BTAF1: variants seen among roughly 807,000 people sequenced by gnomAD.
The protein encoded by BTAF1 is TATA-binding protein-associated factor 172.
BTAF1 carries 38 observed loss-of-function variants against 227.1 expected under a neutral mutation model. The ratio of observed to expected loss-of-function variants is 0.17; its 90% CI spans 0.13 to 0.22. The LOEUF (loss-of-function observed/expected upper bound fraction) is 0.22, where lower values mean the gene tolerates loss of function less well. Ranked by LOEUF, BTAF1 falls within the 10% of genes least tolerant of loss-of-function variation. BTAF1 has a pLI of 1.00. For synonymous variants in BTAF1, 742 were observed against 751.9 expected, an observed-to-expected ratio of 0.99 and a Z score of 0.21; for missense variants, 1,598 against 2,204.0, an observed-to-expected ratio of 0.73 and a Z score of 5.51.
In BTAF1 at chr10:91,955,041, G is replaced by A. The variant is rs561625378; in HGVS notation, c.701+1168G>A. 4.4e-4 allele frequency among the ~76,000 whole-genome samples: 67 copies of A among 152,304 alleles called. 1 individual carries two copies. Among genetic ancestry groups the A allele is most frequent in the Admixed American group, 2.9e-3 (45 of 15,296 alleles). ...AAAGTGTTTAGTGTTTAAAAGCTAG[G>A]CACAAAGGGGGATAAATAATAAACA... is the stretch of plus-strand genomic sequence containing the variant. On this transcript the variant is annotated intron_variant, in intron 6 of 37. Transcript: ENST00000265990.
rs1469981556 is a variant in BTAF1 at position 92,011,858 on chromosome 10, A to G, written c.4311+443A>G. ...AAGTTTATTTTGTAAAAGGAAGGAG[A>G]TAGGTATGTATGTATCTTTAGATAC... On this transcript the variant is annotated intron_variant, in intron 30 of 37. Coordinates refer to ENST00000265990, the MANE Select transcript of BTAF1 (RefSeq NM_003972.3). Among the ~76,000 whole-genome samples the G allele has an allele frequency of 2.6e-5, 4 of 152,054 alleles. No homozygotes were observed. In the East Asian group the frequency reaches 7.8e-4, roughly 29 times the overall value.
At chr10:91,957,466 T>C (rs557861265) in intron 8 of BTAF1, among the ~76,000 whole-genome samples, 173 bp downstream of exon 8, 24 of 152,374 alleles carry the variant, frequency 1.6e-4, no homozygotes, top group African/African-American at 5.8e-4. Context: ...TTTTCACCTT[T>C]CATATCCTTC....
intron 12 of BTAF1, among the ~76,000 whole-genome samples, chr10:91,963,866 A>G (rs1846700913): frequency 6.6e-6 from 1 of 152,156 alleles, no homozygotes; most frequent in South Asian, 2.1e-4. Flanking sequence ...GAAGTATCAA[A>G]GTAGAGTTGA....
At chr10:92,027,344 T>G in intron 37 of BTAF1, 44 bp downstream of exon 37, 7 of 1,501,534 alleles carry the variant, frequency 4.7e-6, no homozygotes, top group Non-Finnish European at 6.3e-6. Context: ...GTCACAGGCT[T>G]CCTGTGACTG....
chr10:91,967,193 T>C (rs1276237994), intron 14 of BTAF1, among the ~76,000 whole-genome samples: 2 of 152,164 alleles, frequency 1.3e-5, no homozygotes, highest in Non-Finnish European at 2.9e-5. Flanking sequence ...CTCTTGCCTT[T>C]ATTTAAAGAT....
At position 91,942,422 on chromosome 10, in the gene BTAF1, A is replaced by T; in HGVS notation, c.254A>T (p.Glu85Val). 1 of 1,613,072 alleles carries T rather than the reference A, an allele frequency of 6.2e-7. No individual in the cohort carries two copies. The highest frequency in any genetic ancestry group is 1.1e-5 in the South Asian group (1 of 91,040). ...EWNPVPRTRQEPTSESSMEDS... is the reference protein window; with the variant it reads ...EWNPVPRTRQVPTSESSMEDS... ...ATTAATATTTTTAAACCTCATGTAG[A>T]ACCTACTTCCGAAAGTTCTATGGAA... is the stretch of plus-strand genomic sequence containing the variant. The change falls in exon 4 of 38, where the codon GAA becomes GTA. Residue 85 changes from glutamate (E) to valine (V), a missense_variant and splice_region_variant. Transcript: ENST00000265990.
At chr10:92,011,466 G>GT (rs1850286524) in intron 30 of BTAF1, 51 bp downstream of exon 30, 1 of 910,638 alleles carries the variant, frequency 1.1e-6, no homozygotes, top group African/African-American at 1.7e-5. Context: ...TATTTTTCAT[G>GT]TTTGCCAGGT....
chr10:91,944,819 C>T (rs939890193), intron 4 of BTAF1, among the ~76,000 whole-genome samples: 3 of 152,204 alleles, frequency 2.0e-5, no homozygotes, highest in African/African-American at 7.2e-5. Flanking sequence ...TACCACATAA[C>T]AGCATTTAAG....
intron 14 of BTAF1, among the ~76,000 whole-genome samples, chr10:91,974,007 G>A (rs929351570): frequency 6.6e-6 from 1 of 152,006 alleles, no homozygotes; most frequent in African/African-American, 2.4e-5. Context: ...ATTTTATACG[G>A]GGACAAAATA....
In BTAF1 at chr10:92,016,227, C is replaced by G. The variant is rs574506182; in HGVS notation, c.4585-113C>G. 5 of 1,285,698 alleles carry G rather than the reference C, an allele frequency of 3.9e-6. No individual in the cohort carries two copies. In the East Asian group the frequency reaches 1.3e-4, roughly 34 times the overall value. The allele number at this position is 1,285,698 out of a possible 1,614,324, so 79.6% of individuals were successfully genotyped here. A position where few individuals can be genotyped will look rare whatever the true frequency, so the allele number is the denominator to read the frequency against. On this transcript the variant is annotated intron_variant, in intron 32 of 37. Coordinates refer to ENST00000265990, the MANE Select transcript of BTAF1 (RefSeq NM_003972.3). ...AATTAGAGATATCACAATTTGTTTT[C>G]ATTAATGAGGGCTGATTTAAATTAC... is the stretch of plus-strand genomic sequence containing the variant.
intron 11 of BTAF1, 125 bp downstream of exon 11, chr10:91,960,279 G>A (rs1846408412): frequency 9.5e-7 from 1 of 1,049,644 alleles, no homozygotes; most frequent in Non-Finnish European, 1.3e-6. Context: ...TCCAAGATTT[G>A]CCGTCTTGAG....
intron 27 of BTAF1, 34 bp downstream of exon 27, chr10:92,008,984 C>T (rs1238505772): frequency 5.0e-6 from 8 of 1,611,686 alleles, no homozygotes; most frequent in East Asian, 2.2e-5. Flanking sequence ...ATAAGGTTTC[C>T]GGATTTGGAG....
At chr10:92,007,210 CTTTTTTTTTTTTTTTT>C (rs969389265) in intron 25 of BTAF1, among the ~76,000 whole-genome samples, 1 of 61,268 alleles carries the variant, frequency 1.6e-5, no homozygotes, top group Non-Finnish European at 3.3e-5. Flanking sequence ...TATTTTTTGT[CTTTTTTTTTTTTTTTT>C]TTTTTTTTTT....
chr10:92,008,482 T>A (rs1259531349), intron 26 of BTAF1, among the ~76,000 whole-genome samples: 1 of 151,464 alleles, frequency 6.6e-6, no homozygotes, highest in East Asian at 1.9e-4. Flanking sequence ...TAGCTGGGAC[T>A]ATACATGTGC....
chr10:92,009,830 T>C (rs1257513835), intron 28 of BTAF1, among the ~76,000 whole-genome samples: 5 of 152,220 alleles, frequency 3.3e-5, no homozygotes, highest in Non-Finnish European at 7.3e-5. Flanking sequence ...CTAGTACATC[T>C]CTTATGTTCC....
intron 30 of BTAF1, among the ~76,000 whole-genome samples, chr10:92,013,368 A>T (rs2134129642): frequency 6.6e-6 from 1 of 152,276 alleles, no homozygotes; most frequent in South Asian, 2.1e-4. Flanking sequence ...TCAGAAAGTT[A>T]TCTTTCTGCT....
intron 4 of BTAF1, among the ~76,000 whole-genome samples, chr10:91,943,888 C>T (rs1291387589): frequency 6.6e-6 from 1 of 152,174 alleles, no homozygotes; most frequent in Middle Eastern, 3.2e-3. Context: ...TGGTGGGTCA[C>T]ACCTGTAATC....
At chr10:91,951,648 G>A in intron 5 of BTAF1, 82 bp downstream of exon 5, 1 of 1,412,356 alleles carries the variant, frequency 7.1e-7, no homozygotes, top group Non-Finnish European at 9.5e-7. Flanking sequence ...TATAGTTTAA[G>A]AAAATGTTAT....
intron 2 of BTAF1, among the ~76,000 whole-genome samples, chr10:91,939,451 T>C (rs543438486): frequency 3.9e-5 from 6 of 152,348 alleles, no homozygotes; most frequent in African/African-American, 1.4e-4. Flanking sequence ...GTTTCTTTTC[T>C]TTTTGAGACA....
Sources: gnomAD v4.1 joint callset for allele counts (sites outside exome capture counted in the v4.1 genomes callset) on GRCh38, gnomAD v4.1.1 for gene constraint, MANE v1.5 for transcripts, NCBI Gene and HGNC (gene_info 2026-07-23, HGNC 2026-07-21) for gene names.